The following SEPTIN9 variants were observed in gnomAD, a reference collection of about 807,000 sequenced individuals.
SEPTIN9 encodes septin 9, also known as septin-9.
In SEPTIN9, 13 loss-of-function variants were observed where a neutral mutation model predicts 56.6. That is an observed-to-expected ratio of 0.23 (90% CI 0.15 to 0.37). SEPTIN9 has a LOEUF of 0.37. SEPTIN9 is among the 10% of genes least tolerant of loss of function. The pLI is 1.00. For missense variants in SEPTIN9, 650 were observed against 823.1 expected (o/e 0.79, Z 2.57); for synonymous variants, 332 against 334.1 (o/e 0.99, Z 0.07).
chr17:77,383,182 T>C (rs913327730), intron 2 of SEPTIN9, among the ~76,000 whole-genome samples: 2,624 of 10,920 alleles, frequency 0.24, 119 homozygotes, highest in East Asian at 0.53. Context: ...CCCTCCCTCC[T>C]TCTCTCCCTC....
chr17:77,405,088 G>A lies in SEPTIN9; in HGVS notation c.721+2385G>A, dbSNP rs908839702. 13 of 1,535,290 alleles carry A rather than the reference G, an allele frequency of 8.5e-6. No individual in the cohort carries two copies. The highest frequency in any genetic ancestry group is 1.2e-5 in the South Asian group (1 of 84,036). On this transcript the variant is annotated intron_variant, in intron 3 of 11. Transcript: ENST00000427177. This position sits in a 1 kb window ranked among gnomAD's most constrained non-coding sequence, Gnocchi z 5.8. Reference sequence around the variant, plus strand: ...GTTGTCACCGAGCCATCTAAATCTCGGTGATGGCTGGTGCTGGATGCACAG... The same window carrying A: ...GTTGTCACCGAGCCATCTAAATCTCAGTGATGGCTGGTGCTGGATGCACAG...
At chr17:77,285,401 A>T (rs1023587205) in intron 1 of SEPTIN9, among the ~76,000 whole-genome samples, 2 of 151,654 alleles carry the variant, frequency 1.3e-5, no homozygotes, top group Admixed American at 6.6e-5. Context: ...TTCTTTTTTT[A>T]TTTTTTATTT....
chr17:77,452,429 C>T (rs2038018660), intron 3 of SEPTIN9, among the ~76,000 whole-genome samples: 1 of 152,252 alleles, frequency 6.6e-6, no homozygotes, highest in Non-Finnish European at 1.5e-5. Flanking sequence ...GCCTGCTGCA[C>T]TTCATCCCTG....
At chr17:77,338,132 G>T (rs2033613135) in intron 2 of SEPTIN9, among the ~76,000 whole-genome samples, 1 of 152,044 alleles carries the variant, frequency 6.6e-6, no homozygotes, top group Non-Finnish European at 1.5e-5. Flanking sequence ...GGGAGGTGGA[G>T]GTTGCGGTGA....
rs75887441 is a variant in SEPTIN9 at position 77,493,104 on chromosome 17, G to C, written c.1573+28G>C. On this transcript the variant is annotated intron_variant, in intron 10 of 11. Coordinates refer to ENST00000427177, the MANE Select transcript of SEPTIN9 (RefSeq NM_001113491.2). ...ACTCGCCGCAGGCGCCGGGGCTCCA[G>C]ACAGATGGGAAGACAGTCTCTTCTG... The C allele has an allele frequency of 1.3e-3, 2,011 of 1,501,976 alleles. 19 individuals carry two copies. The African/African-American group carries it at 0.025, about 18-fold the overall frequency. 93.0% of individuals were successfully genotyped at this position (1,501,976 alleles called of 1,614,324 possible).
At chr17:77,299,171 G>GT (rs910380717) in intron 1 of SEPTIN9, among the ~76,000 whole-genome samples, 1 of 152,196 alleles carries the variant, frequency 6.6e-6, no homozygotes, top group Non-Finnish European at 1.5e-5. Context: ...AGACTTCAGT[G>GT]TTTTTATCTC....
chr17:77,357,064 A>C (rs953826833), intron 2 of SEPTIN9, among the ~76,000 whole-genome samples: 1 of 152,024 alleles, frequency 6.6e-6, no homozygotes, highest in Non-Finnish European at 1.5e-5. Context: ...CTGGACAGGC[A>C]GACAAGGTGT....
At chr17:77,356,795 C>G (rs765758660) in intron 2 of SEPTIN9, among the ~76,000 whole-genome samples, 1 of 145,000 alleles carries the variant, frequency 6.9e-6, no homozygotes. Context: ...GGCACCCTGT[C>G]TGGTGGGCTC....
intron 3 of SEPTIN9, among the ~76,000 whole-genome samples, chr17:77,466,095 CACACACACACACGA>C (rs1469840482): frequency 6.3e-5 from 9 of 143,610 alleles, no homozygotes; most frequent in African/African-American, 2.1e-4. Flanking sequence ...CACACACACA[CACACACACACACGA>C]GTAAACTGTA....
At position 77,307,213 on chromosome 17, in the gene SEPTIN9, C is replaced by A; in HGVS notation, c.76+16C>A. The stretch of plus-strand genomic sequence containing the variant: ...AGTGGCCCAGGTAGGTGGCTCGCTC[C>A]GCTCTGGCCCCACCCAGCTCATGGG... On this transcript the variant is annotated intron_variant, in intron 2 of 11. Transcript: ENST00000427177. The A allele has an allele frequency of 1.2e-6, 2 of 1,611,744 alleles. No homozygotes were observed. Among genetic ancestry groups the A allele is most frequent in the South Asian group, 1.1e-5 (1 of 91,040 alleles).
intron 10 of SEPTIN9, 101 bp downstream of exon 10, chr17:77,493,177 C>T (rs1022911840): frequency 1.1e-6 from 1 of 893,392 alleles, no homozygotes; most frequent in African/African-American, 1.7e-5. Flanking sequence ...CTCGTGGAAC[C>T]TCATCCACTG....
In SEPTIN9 at chr17:77,402,817, G is replaced by A; in HGVS notation, c.721+114G>A. On this transcript the variant is annotated intron_variant, in intron 3 of 11. Transcript: ENST00000427177. The surrounding 1 kb of genome is among the most constrained non-coding windows in gnomAD (Gnocchi z 6.6). ...GATATGGGGTGGAGGGTGCTACCCT[G>A]GAGACCCAGAAAGACCGGAATGCAT... is the stretch of plus-strand genomic sequence containing the variant. The A allele has an allele frequency of 1.8e-6, 2 of 1,122,684 alleles. No homozygotes were observed. The highest frequency in any genetic ancestry group is 1.7e-5 in the South Asian group (1 of 59,202). The allele number at this position is 1,122,684 out of a possible 1,614,324, so 69.5% of individuals were successfully genotyped here. A position where few individuals can be genotyped will look rare whatever the true frequency, so the allele number is the denominator to read the frequency against.
chr17:77,356,787 C>T (rs35519234), intron 2 of SEPTIN9, among the ~76,000 whole-genome samples: 33,088 of 139,400 alleles, frequency 0.24, 4,139 homozygotes, highest in South Asian at 0.32. Context: ...AAAGGGTGGG[C>T]ACCCTGTCTG....
At position 77,436,930 on chromosome 17, in the gene SEPTIN9, G is replaced by A. The variant is rs1327385542; in HGVS notation, c.721+34227G>A. 6.6e-6 allele frequency among the ~76,000 whole-genome samples: 1 copy of A among 152,236 alleles called. No individual in the cohort carries two copies. The highest frequency in any genetic ancestry group is 1.9e-4 in the East Asian group (1 of 5,198). On this transcript the variant is annotated intron_variant, in intron 3 of 11. Transcript: ENST00000427177. The surrounding 1 kb of genome is among the most constrained non-coding windows in gnomAD (Gnocchi z 4.4). ...AGCTGGGATTTAGAAGCATTGTTTG[G>A]GGTGGTGAGTGGAAGATGCAGGACA...
Position 77,499,016 on chromosome 17 carries a change from T to G in SEPTIN9, c.*358T>G. ...GTTCTCAGTGCCGGAGGCCTTGGGG[T>G]GGGGGCCAGGCCTCGCACTTGCAGA... On this transcript the variant is annotated 3_prime_UTR_variant, in exon 12 of 12. Coordinates refer to ENST00000427177, the MANE Select transcript of SEPTIN9 (RefSeq NM_001113491.2). The G allele has an allele frequency of 1.9e-6, 1 of 538,992 alleles. No individual in the cohort carries two copies. Among genetic ancestry groups the G allele is most frequent in the Admixed American group, 2.2e-5 (1 of 45,120 alleles). The allele number at this position is 538,992 out of a possible 1,614,324, so 33.4% of individuals were successfully genotyped here. A position where few individuals can be genotyped will look rare whatever the true frequency, so the allele number is the denominator to read the frequency against.
At chr17:77,411,801 T>C (rs16970063) in intron 3 of SEPTIN9, among the ~76,000 whole-genome samples, 11,057 of 152,240 alleles carry the variant, frequency 0.073, 1,210 homozygotes, top group African/African-American at 0.23. Flanking sequence ...AAGGATGAGC[T>C]CTTAGTGAAT....
Position 77,449,146 on chromosome 17 carries a change from C to T in SEPTIN9, c.722-32998C>T, listed in dbSNP as rs566180868. On this transcript the variant is annotated intron_variant, in intron 3 of 11. Coordinates refer to ENST00000427177, the MANE Select transcript of SEPTIN9 (RefSeq NM_001113491.2). This position sits in a 1 kb window ranked among gnomAD's most constrained non-coding sequence, Gnocchi z 4.6. Reference sequence around the variant, plus strand: ...AAGGTTGCGTCTGTGGCCCATGTGCCGTTTCTGCTGGAGGGTTGGACCGAG... The same window carrying T: ...AAGGTTGCGTCTGTGGCCCATGTGCTGTTTCTGCTGGAGGGTTGGACCGAG... 1.6e-4 allele frequency among the ~76,000 whole-genome samples: 25 copies of T among 152,164 alleles called. No homozygotes were observed. The highest frequency in any genetic ancestry group is 5.3e-4 in the African/African-American group (22 of 41,530).
At chr17:77,393,113 G>C (rs1188726678) in intron 2 of SEPTIN9, among the ~76,000 whole-genome samples, 3 of 151,830 alleles carry the variant, frequency 2.0e-5, no homozygotes, top group Admixed American at 2.0e-4. Context: ...ATTTCAGTGG[G>C]AGGGGACACC....
At chr17:77,463,943 A>G (rs1225917883) in intron 3 of SEPTIN9, among the ~76,000 whole-genome samples, 7 of 152,244 alleles carry the variant, frequency 4.6e-5, no homozygotes, top group Non-Finnish European at 7.3e-5. Context: ...AGTGATGTTA[A>G]CATTGTTCTT....
Sources: allele counts gnomAD v4.1 joint callset (sites outside exome capture counted in the v4.1 genomes callset), GRCh38; gene constraint gnomAD v4.1.1; non-coding constraint Gnocchi (gnomAD v3.1); transcripts MANE v1.5; gene names NCBI Gene and HGNC (gene_info 2026-07-23, HGNC 2026-07-21).